TBC1D8B: variants seen among roughly 807,000 people sequenced by gnomAD.
The protein encoded by TBC1D8B is RP11-321G1.1.
A neutral mutation model predicts 82.9 loss-of-function variants in TBC1D8B; 75 were observed. The ratio of observed to expected loss-of-function variants is 0.90; its 90% confidence interval spans 0.75 to 1.10. The LOEUF (loss-of-function observed/expected upper bound fraction) is 1.10, where lower values mean the gene tolerates loss of function less well. Ranked by LOEUF, TBC1D8B falls within the 50% of genes least tolerant of loss-of-function variation. The pLI is 0.00. For synonymous variants in TBC1D8B, 276 were observed against 276.8 expected (o/e 1.00, Z 0.03); for missense variants, 794 against 796.9 (o/e 1.00, Z 0.04).
In TBC1D8B at chrX:106,840,799, C is replaced by A. The variant is rs779137693; in HGVS notation, c.1634C>A (p.Ala545Asp). The change falls in exon 10 of 21, where the codon GCC (alanine) becomes GAC (aspartate). Residue 545 changes from alanine (A) to aspartate (D), a missense_variant. Coordinates refer to ENST00000357242, the MANE Select transcript of TBC1D8B (RefSeq NM_017752.3). ...CGTCGCTCTCTGCCTGAGCACCCAGCCTTTCAGAGTGATACTGGCATATCT... is the reference window on the plus strand; with the variant it reads ...CGTCGCTCTCTGCCTGAGCACCCAGACTTTCAGAGTGATACTGGCATATCT... Reference protein sequence around the residue: ...DLRRSLPEHPAFQSDTGISAL... With the variant: ...DLRRSLPEHPDFQSDTGISAL... The A allele has an allele frequency of 8.3e-7, 1 of 1,209,202 alleles. No homozygotes were observed. The highest frequency in any genetic ancestry group is 1.1e-6 in the Non-Finnish European group (1 of 894,888).
At chrX:106,845,302 C>CT (rs1005328764) in intron 10 of TBC1D8B, among the ~76,000 whole-genome samples, 7 of 110,200 alleles carry the variant, frequency 6.4e-5, no homozygotes, top group East Asian at 5.7e-4. Flanking sequence ...TATTTCTAGT[C>CT]TTTTTTTTAA....
At chrX:106,818,957 T>TA (rs1209718388) in intron 2 of TBC1D8B, among the ~76,000 whole-genome samples, 184 bp downstream of exon 2, 3 of 109,247 alleles carry the variant, frequency 2.7e-5, no homozygotes, top group Non-Finnish European at 5.8e-5. Context: ...TTTTTTTTTT[T>TA]TTTTAATCCA....
chrX:106,817,971 A>G (rs1931589643), intron 1 of TBC1D8B, among the ~76,000 whole-genome samples: 1 of 111,263 alleles, frequency 9.0e-6, no homozygotes, highest in Non-Finnish European at 1.9e-5. Flanking sequence ...ATAGTAGGAA[A>G]TATAATTAGA....
At chrX:106,857,966 G>A (rs953777652) in intron 14 of TBC1D8B, among the ~76,000 whole-genome samples, 1 of 112,289 alleles carries the variant, frequency 8.9e-6, no homozygotes, top group African/African-American at 3.2e-5. Flanking sequence ...GTAGTTCTCT[G>A]TTAAGTTCTT....
rs900730986 is a variant in TBC1D8B, at chrX:106,820,553, T to C, written c.242-324T>C. ...ACACATTATGTATTTTCTGGTACTCTACATATTTTCTTAAAAGATACTGGT... is the reference window on the plus strand; with the variant it reads ...ACACATTATGTATTTTCTGGTACTCCACATATTTTCTTAAAAGATACTGGT... On this transcript the variant is annotated intron_variant, in intron 2 of 20. Transcript: ENST00000357242. 2.1e-4 allele frequency among the ~76,000 whole-genome samples: 23 copies of C among 111,823 alleles called. No individual in the cohort carries two copies. In the Admixed American group the frequency reaches 2.1e-3, roughly 10 times the overall value.
rs34694710 is a variant in TBC1D8B at position 106,870,766 on chromosome X, C to A, written c.2920C>A (p.Leu974Ile). Residue 974 changes from leucine (L) to isoleucine (I), a missense_variant, in exon 20 of 21, where the codon CTT (leucine) becomes ATT (isoleucine). Physicochemically the swap from Leu to Ile is conservative, Grantham distance 5 (BLOSUM62 2). Transcript: ENST00000357242. ...ATATCTAAGTCAATGGCAAGATGAG[C>A]TTTTCAAAAAAGAAGAAAACATTAA... ...QAYLSQWQDE[L>I]FKKEENIKDL... The A allele has an allele frequency of 9.4e-5, 113 of 1,202,452 alleles. No individual in the cohort carries two copies. The African/African-American group carries it at 1.6e-3, about 17-fold the overall frequency.
chrX:106,870,232 T>A lies in TBC1D8B; in HGVS notation c.2870-484T>A, dbSNP rs950320443. ...TTTTAGTAGAGACAGGGTTTCACCA[T>A]GTTGGCCAGGCTGATCTCGAACTCC... On this transcript the variant is annotated intron_variant, in intron 19 of 20. Transcript: ENST00000357242. 2.7e-5 allele frequency among the ~76,000 whole-genome samples: 3 copies of A among 111,764 alleles called. No homozygotes were observed. In the South Asian group the frequency reaches 1.1e-3, roughly 42 times the overall value.
rs1932282440 is a variant in TBC1D8B at position 106,840,669 on chromosome X, G to C, written c.1505-1G>C. 1.7e-6 allele frequency: 2 copies of C among 1,203,664 alleles called. No individual in the cohort carries two copies. The highest frequency in any genetic ancestry group is 3.5e-5 in the South Asian group (2 of 56,635). On this transcript the variant is annotated splice_acceptor_variant, in intron 9 of 20. Transcript: ENST00000357242. LOFTEE classifies it high-confidence loss of function. Reference sequence around the variant, plus strand: ...GTATGTTAATGTAATAATCTTCACAGGTGCTGTTAATGACATGGCTACTAA... The same window carrying C: ...GTATGTTAATGTAATAATCTTCACACGTGCTGTTAATGACATGGCTACTAA...
intron 6 of TBC1D8B, 58 bp from the exon 7 acceptor site, chrX:106,827,112 T>C: frequency 5.2e-6 from 6 of 1,156,216 alleles, no homozygotes; most frequent in Non-Finnish European, 7.0e-6. Flanking sequence ...CACATTTTAC[T>C]TGAAGGTGTC....
intron 13 of TBC1D8B, 67 bp downstream of exon 13, chrX:106,853,717 C>A (rs1262927848): frequency 2.0e-6 from 2 of 1,016,613 alleles, no homozygotes; most frequent in Non-Finnish European, 1.4e-6. Flanking sequence ...TGGTCTATCT[C>A]TAATGGTATA....
At chrX:106,813,312 G>A (rs1438687439) in intron 1 of TBC1D8B, among the ~76,000 whole-genome samples, 1 of 112,162 alleles carries the variant, frequency 8.9e-6, no homozygotes. Flanking sequence ...GGGACTTGAT[G>A]ATGATTACAG....
At chrX:106,846,678 C>T (rs1932461320) in intron 10 of TBC1D8B, among the ~76,000 whole-genome samples, 1 of 111,254 alleles carries the variant, frequency 9.0e-6, no homozygotes, top group Non-Finnish European at 1.9e-5. Context: ...AGTATGGCTT[C>T]TTGCATGGGA....
rs139298642 is a variant in TBC1D8B, at chrX:106,822,162, C to G, written c.546C>G (p.Thr182=). 8.3e-7 allele frequency: 1 copy of G among 1,205,190 alleles called. No individual in the cohort carries two copies. Among genetic ancestry groups the G allele is most frequent in the African/African-American group, 1.8e-5 (1 of 56,840 alleles). ...VPCQGWLYLS[T]NFLSFYSFLL... ...GTCAGGGTTGGCTTTATCTTAGCAC[C>G]AACTTTCTGAGCTTCTATTCTTTTT... The change falls in exon 4 of 21, where the codon ACC becomes ACG. Residue 182 remains threonine, a synonymous_variant. Transcript: ENST00000357242.
intron 14 of TBC1D8B, among the ~76,000 whole-genome samples, chrX:106,860,182 T>C (rs920597565): frequency 9.0e-6 from 1 of 111,080 alleles, no homozygotes; most frequent in African/African-American, 3.3e-5. Flanking sequence ...CTGCCAGTTA[T>C]TGGTAGCAGA....
chrX:106,827,299 G>A lies in TBC1D8B; in HGVS notation c.1165G>A (p.Gly389Arg), dbSNP rs752393362. ...QLVAKLRLRC[G>R]AASTQYHDIS... is the part of the protein sequence containing the mutation. The stretch of plus-strand genomic sequence containing the variant: ...GGTAGCAAAACTCAGGCTCAGATGC[G>A]GAGCAGCTTCAACTCAATATCATGA... The change falls in exon 7 of 21, where the codon GGA becomes AGA. Residue 389 changes from glycine (G) to arginine (R), a missense_variant. By Grantham distance (125) the Gly-to-Arg change is moderately radical. Transcript: ENST00000357242. 1.8e-5 allele frequency: 22 copies of A among 1,208,991 alleles called. No homozygotes were observed. In the African/African-American group the frequency reaches 2.5e-4, roughly 13 times the overall value.
chrX:106,849,228 T>C, intron 11 of TBC1D8B: 1 of 1,107,732 alleles, frequency 9.0e-7, no homozygotes, highest in South Asian at 2.2e-5. Context: ...GTATTTTTTT[T>C]TTTTTTTTTT....
At position 106,823,036 on chromosome X, in the gene TBC1D8B, T is replaced by A. The variant is rs183127054; in HGVS notation, c.587-190T>A. On this transcript the variant is annotated intron_variant, in intron 4 of 20. Transcript: ENST00000357242. ...AAAAGAAATTATTTAAAATTAGATC[T>A]CTTCCTGGAATCACCAATTCTTGCA... Among the ~76,000 whole-genome samples the A allele has an allele frequency of 9.0e-5, 10 of 111,288 alleles. No homozygotes were observed. In the East Asian group the frequency reaches 2.8e-3, roughly 32 times the overall value.
chrX:106,839,598 C>T (rs1932256058), intron 8 of TBC1D8B, 141 bp downstream of exon 8: 2 of 502,339 alleles, frequency 4.0e-6, no homozygotes, highest in Non-Finnish European at 6.1e-6. Context: ...TACTGTGTAA[C>T]TTATTTAGTT....
intron 1 of TBC1D8B, among the ~76,000 whole-genome samples, chrX:106,813,468 C>G (rs1227055328): frequency 8.9e-6 from 1 of 111,852 alleles, no homozygotes; most frequent in Non-Finnish European, 1.9e-5. Flanking sequence ...GTACAAGGCG[C>G]TTATAATCTT....
Sources: gnomAD v4.1 joint callset for allele counts (sites outside exome capture counted in the v4.1 genomes callset) on GRCh38, gnomAD v4.1.1 for gene constraint, MANE v1.5 for transcripts, NCBI Gene and HGNC (gene_info 2026-07-23, HGNC 2026-07-21) for gene names.